The following PDE11A variants were observed in gnomAD, a reference collection of about 807,000 sequenced individuals.
The protein encoded by PDE11A is phosphodiesterase 11A.
In PDE11A, 100 loss-of-function variants were observed where a neutral mutation model predicts 100.5. That is an observed-to-expected ratio of 1.00 (90% CI 0.85 to 1.18). PDE11A has a LOEUF of 1.18. Among genes scored for constraint, PDE11A ranks in the 50% most tolerant of loss-of-function variants. The pLI, the probability that PDE11A is intolerant of heterozygous loss-of-function variation, is 0.00. For missense variants in PDE11A, 1,141 were observed against 1,152.6 expected (o/e 0.99, Z 0.15); for synonymous variants, 381 against 420.8 (o/e 0.91, Z 1.16).
chr2:177,997,960 C>T (rs1407305324), intron 2 of PDE11A: 3 of 1,212,194 alleles, frequency 2.5e-6, no homozygotes, highest in Non-Finnish European at 3.7e-6. Context: ...AGTCAAGATA[C>T]CAAGGTTAGG....
intron 12 of PDE11A, 124 bp downstream of exon 12, chr2:177,727,534 G>T (rs748739281): frequency 3.0e-5 from 22 of 737,240 alleles, no homozygotes; most frequent in Non-Finnish European, 4.5e-5. Context: ...CATAACCAGG[G>T]TAGGTAAGTT....
At chr2:177,928,374 T>A (rs1288702221) in intron 2 of PDE11A, among the ~76,000 whole-genome samples, 1 of 152,142 alleles carries the variant, frequency 6.6e-6, no homozygotes, top group Non-Finnish European at 1.5e-5. Flanking sequence ...GGTGCACACC[T>A]GTAGTCTCAG....
chr2:177,630,241 T>A (rs1001054120), intron 19 of PDE11A, among the ~76,000 whole-genome samples: 1 of 152,144 alleles, frequency 6.6e-6, no homozygotes, highest in Non-Finnish European at 1.5e-5. Flanking sequence ...CTGATGAAAG[T>A]CAGGCTTCAG....
upstream of PDE11A, among the ~76,000 whole-genome samples, chr2:178,073,531 T>A (rs564932709): frequency 2.0e-5 from 3 of 152,060 alleles, no homozygotes; most frequent in Non-Finnish European, 4.4e-5. Context: ...AAGCATAGAA[T>A]CCTGGTAATT....
At chr2:177,634,060 A>G (rs2079994996) in intron 19 of PDE11A, among the ~76,000 whole-genome samples, 1 of 152,136 alleles carries the variant, frequency 6.6e-6, no homozygotes, top group Non-Finnish European at 1.5e-5. Context: ...GTACCCAAGC[A>G]TTTACTAAAT....
chr2:177,718,055 T>C (rs1469769030), intron 12 of PDE11A, among the ~76,000 whole-genome samples: 2 of 152,242 alleles, frequency 1.3e-5, no homozygotes, highest in Non-Finnish European at 2.9e-5. Context: ...AGAAGTGTCA[T>C]TAAGTGCCTA....
Position 177,740,277 on chromosome 2 carries a change from T to C in PDE11A, c.1789-12105A>G, listed in dbSNP as rs142645841. 4.0e-3 allele frequency among the ~76,000 whole-genome samples: 602 copies of C among 152,318 alleles called. 8 individuals are homozygous for C. Among genetic ancestry groups the C allele is most frequent in the African/African-American group, 0.014 (573 of 41,572 alleles). On this transcript the variant is annotated intron_variant, in intron 10 of 19. Transcript: ENST00000286063. The stretch of plus-strand genomic sequence containing the variant: ...CACATACAAAGGTCAGTGAAGATAT[T>C]CATAAATTTAACAACACTAAGAGCT...
intron 15 of PDE11A, among the ~76,000 whole-genome samples, chr2:177,693,738 G>A (rs537694072): frequency 2.0e-5 from 3 of 152,314 alleles, no homozygotes; most frequent in East Asian, 3.9e-4. Context: ...AAAAAGCCCT[G>A]AAAGAGGAGG....
intron 4 of PDE11A, among the ~76,000 whole-genome samples, chr2:177,882,200 A>G (rs1450496162): frequency 1.3e-5 from 2 of 152,234 alleles, no homozygotes; most frequent in African/African-American, 4.8e-5. Context: ...CTAGGCAGGC[A>G]GGCCATTGGC....
intron 1 of PDE11A, among the ~76,000 whole-genome samples, chr2:178,056,272 A>C (rs1287442635): frequency 6.6e-6 from 1 of 152,248 alleles, no homozygotes; most frequent in Non-Finnish European, 1.5e-5. Context: ...AGAAAGAAAA[A>C]GAGTCCTGAA....
In PDE11A at chr2:177,626,675, T is replaced by G. The variant is rs1358621515; in HGVS notation, c.*2732A>C. Reference sequence around the variant, plus strand: ...CTGCTCTGCAGAGGCAGTTTCTTCCTGCATTCATTTCCCCCTCTACTTTCT... The same window carrying G: ...CTGCTCTGCAGAGGCAGTTTCTTCCGGCATTCATTTCCCCCTCTACTTTCT... On this transcript the variant is annotated 3_prime_UTR_variant, in exon 20 of 20. Coordinates refer to ENST00000286063, the MANE Select transcript of PDE11A (RefSeq NM_016953.4). 1 of 152,620 alleles carries G rather than the reference T, an allele frequency of 6.6e-6. No individual in the cohort carries two copies. The highest frequency in any genetic ancestry group is 1.5e-5 in the Non-Finnish European group (1 of 68,056). 9.5% of individuals were successfully genotyped at this position (152,620 alleles called of 1,614,324 possible).
chr2:177,761,043 A>C (rs1206516027), intron 10 of PDE11A, among the ~76,000 whole-genome samples: 1 of 152,198 alleles, frequency 6.6e-6, no homozygotes, highest in East Asian at 1.9e-4. Flanking sequence ...GGTTTAAAAA[A>C]ATTTAGTCAG....
intron 9 of PDE11A, among the ~76,000 whole-genome samples, chr2:177,804,306 C>T (rs1025517672): frequency 1.4e-5 from 2 of 146,498 alleles, no homozygotes; most frequent in African/African-American, 2.5e-5. Flanking sequence ...ACATGTAAGC[C>T]GGCAACAAAT....
At chr2:177,657,338 C>T (rs2080404918) in intron 19 of PDE11A, among the ~76,000 whole-genome samples, 2 of 152,280 alleles carry the variant, frequency 1.3e-5, no homozygotes, top group African/African-American at 4.8e-5. Flanking sequence ...GGCTCCTCTC[C>T]CGTCATCTCA....
chr2:177,811,635 C>T (rs189600752), intron 9 of PDE11A, among the ~76,000 whole-genome samples: 39 of 151,916 alleles, frequency 2.6e-4, no homozygotes, highest in African/African-American at 9.4e-4. Flanking sequence ...TATGTGACAA[C>T]AGGGAAAGGA....
chr2:177,800,978 G>A (rs1182291503), intron 9 of PDE11A, among the ~76,000 whole-genome samples: 2 of 152,200 alleles, frequency 1.3e-5, no homozygotes, highest in Non-Finnish European at 2.9e-5. Flanking sequence ...AAAACCCAGA[G>A]AGAATGTTTT....
chr2:178,028,383 A>C (rs2086505168), intron 1 of PDE11A, among the ~76,000 whole-genome samples: 1 of 152,020 alleles, frequency 6.6e-6, no homozygotes, highest in African/African-American at 2.4e-5. Flanking sequence ...TGAAGGTGTC[A>C]ACCTGTGGGG....
intron 2 of PDE11A, among the ~76,000 whole-genome samples, chr2:177,959,269 G>A (rs1040387656): frequency 6.6e-6 from 1 of 152,234 alleles, no homozygotes; most frequent in Non-Finnish European, 1.5e-5. Flanking sequence ...GAAAGAAGAC[G>A]GAAAGGTGTC....
At chr2:177,814,081 C>T (rs1406402677) in intron 9 of PDE11A, among the ~76,000 whole-genome samples, 5 of 152,050 alleles carry the variant, frequency 3.3e-5, no homozygotes, top group Non-Finnish European at 7.4e-5. Flanking sequence ...GGTAACATGG[C>T]ATTTGGCTTT....
Sources: allele counts gnomAD v4.1 joint callset (sites outside exome capture counted in the v4.1 genomes callset), GRCh38; gene constraint gnomAD v4.1.1; transcripts MANE v1.5; gene names NCBI Gene and HGNC (gene_info 2026-07-23, HGNC 2026-07-21).